The following CADPS2 variants were observed in gnomAD, a reference collection of about 807,000 sequenced individuals.
CADPS2 encodes the protein calcium-dependent secretion activator 2.
CADPS2 carries 93 observed loss-of-function variants against 172.5 expected under a neutral mutation model. The observed-to-expected ratio is 0.54, with a 90% confidence interval of 0.46 to 0.64. The LOEUF (loss-of-function observed/expected upper bound fraction) is 0.64. Ranked by LOEUF, CADPS2 falls within the 30% of genes least tolerant of loss-of-function variation. CADPS2 has a pLI of 0.00. For missense variants in CADPS2, 1,420 were observed against 1,565.9 expected (o/e 0.91, Z 1.57); for synonymous variants, 546 against 555.2 (o/e 0.98, Z 0.23).
At chr7:122,330,691 A>G (rs1436436990) in intron 28 of CADPS2, 1 of 152,204 alleles carries the variant, frequency 6.6e-6, no homozygotes, top group Non-Finnish European at 1.5e-5. Flanking sequence ...GTTTAACCCA[A>G]CCTATGCCAA....
chr7:122,407,699 A>G lies in CADPS2; in HGVS notation c.2590-3T>C, dbSNP rs373707445. ...AAATCAGGCCACCAGGCAAATGCCT[A>G]CAAAAGGATAAAAACATAAAGGAGA... On this transcript the variant is annotated splice_polypyrimidine_tract_variant and splice_region_variant and intron_variant, in intron 19 of 29. Transcript: ENST00000449022. The G allele has an allele frequency of 9.0e-5, 144 of 1,603,438 alleles. No homozygotes were observed. The highest frequency in any genetic ancestry group is 7.7e-5 in the Non-Finnish European group (90 of 1,174,950).
intron 8 of CADPS2, among the ~76,000 whole-genome samples, chr7:122,547,130 C>T (rs2063709058): frequency 1.3e-5 from 2 of 151,106 alleles, no homozygotes; most frequent in African/African-American, 4.9e-5. Context: ...ATCATTCTTA[C>T]AAATTAAAAC....
intron 14 of CADPS2, among the ~76,000 whole-genome samples, chr7:122,469,436 CAG>C (rs2152139347): frequency 6.6e-6 from 1 of 152,252 alleles, no homozygotes; most frequent in Non-Finnish European, 1.5e-5. Flanking sequence ...GGAATTGAGA[CAG>C]AGTCAGGAGA....
At chr7:122,589,740 AC>A (rs1038785370) in intron 6 of CADPS2, among the ~76,000 whole-genome samples, 1 of 151,902 alleles carries the variant, frequency 6.6e-6, no homozygotes, top group Non-Finnish European at 1.5e-5. Flanking sequence ...GGAGTGATTA[AC>A]ATAGAAACTG....
At chr7:122,638,219 C>A (rs989378034) in intron 3 of CADPS2, among the ~76,000 whole-genome samples, 1 of 152,132 alleles carries the variant, frequency 6.6e-6, no homozygotes, top group African/African-American at 2.4e-5. Flanking sequence ...CAAGACTATA[C>A]CCTTTCTGGA....
intron 8 of CADPS2, among the ~76,000 whole-genome samples, chr7:122,541,857 T>TTA (rs373127517): frequency 1.3e-5 from 1 of 79,036 alleles, no homozygotes; most frequent in Admixed American, 1.2e-4. Flanking sequence ...TCATATATAT[T>TTA]TATATATATG....
chr7:122,488,996 T>C (rs2058072057), intron 11 of CADPS2, among the ~76,000 whole-genome samples: 1 of 152,170 alleles, frequency 6.6e-6, no homozygotes. Context: ...CAGAATGTGC[T>C]CTTTTTATTT....
Position 122,368,744 on chromosome 7 carries a change from T to C in CADPS2, c.3388-7731A>G, listed in dbSNP as rs546209283. On this transcript the variant is annotated intron_variant, in intron 25 of 29. Coordinates refer to ENST00000449022, the MANE Select transcript of CADPS2 (RefSeq NM_017954.11). ...TCCCTAGTAGATGACCTCAGGACTC[T>C]TCCAAATCCAGCATTCCGTGCGCCA... is the stretch of plus-strand genomic sequence containing the variant. Among the ~76,000 whole-genome samples, 163 of 152,324 alleles carry C rather than the reference T, an allele frequency of 1.1e-3. 1 individual carries two copies. Among genetic ancestry groups the C allele is most frequent in the Non-Finnish European group, 2.0e-3 (138 of 68,036 alleles).
intron 1 of CADPS2, among the ~76,000 whole-genome samples, chr7:122,741,224 T>C (rs942088147): frequency 6.6e-6 from 1 of 152,132 alleles, no homozygotes; most frequent in African/African-American, 2.4e-5. Context: ...AAGCAAGTTA[T>C]AGAACAGCAG....
chr7:122,829,980 CTA>C (rs1313569699), intron 1 of CADPS2, among the ~76,000 whole-genome samples: 2 of 151,132 alleles, frequency 1.3e-5, no homozygotes, highest in East Asian at 3.9e-4. Flanking sequence ...ATGAGGTGTA[CTA>C]TATAACTATT....
At chr7:122,427,121 C>CATGT (rs1554516029) in intron 17 of CADPS2, 1 of 146,566 alleles carries the variant, frequency 6.8e-6, no homozygotes, top group African/African-American at 2.6e-5. Flanking sequence ...ACATAAATGC[C>CATGT]GTGTGTGTGT....
chr7:122,395,128 A>G (rs577556174), intron 20 of CADPS2, among the ~76,000 whole-genome samples: 4 of 152,312 alleles, frequency 2.6e-5, no homozygotes, highest in African/African-American at 9.6e-5. Context: ...AAAGCCTAAT[A>G]GTGTTTTAGC....
intron 2 of CADPS2, among the ~76,000 whole-genome samples, chr7:122,673,246 C>T (rs56122498): frequency 0.11 from 16,564 of 152,230 alleles, 1,234 homozygotes; most frequent in African/African-American, 0.21. Context: ...GGACCCCAGC[C>T]GGTTGCCGCA....
chr7:122,696,037 T>A (rs768116670), intron 2 of CADPS2, among the ~76,000 whole-genome samples: 4 of 152,166 alleles, frequency 2.6e-5, no homozygotes, highest in Non-Finnish European at 5.9e-5. Context: ...GATGCATTCA[T>A]TGTCATAGCT....
At chr7:122,884,648 G>A (rs927217417) in intron 1 of CADPS2, among the ~76,000 whole-genome samples, 2 of 152,168 alleles carry the variant, frequency 1.3e-5, no homozygotes, top group Non-Finnish European at 2.9e-5. Context: ...TGCTCAGTTT[G>A]TGTGTGTTTT....
In CADPS2 at chr7:122,432,210, T is replaced by C. The variant is rs2050027588; in HGVS notation, c.2476+6131A>G. 2.6e-5 allele frequency among the ~76,000 whole-genome samples: 4 copies of C among 152,284 alleles called. No homozygotes were observed. The South Asian group carries it at 8.3e-4, about 32-fold the overall frequency. On this transcript the variant is annotated intron_variant, in intron 17 of 29. Coordinates refer to ENST00000449022, the MANE Select transcript of CADPS2 (RefSeq NM_017954.11). ...CTGAGAGATGCAAGTATGAATCTCA[T>C]ATCTGCTCAGTTTTAATGGCAACAG...
At chr7:122,790,519 T>C (rs1795077236) in intron 1 of CADPS2, among the ~76,000 whole-genome samples, 1 of 152,086 alleles carries the variant, frequency 6.6e-6, no homozygotes, top group East Asian at 1.9e-4. Context: ...CCTGGCCAAT[T>C]TAATTGTTGC....
At chr7:122,387,223 AC>A in intron 23 of CADPS2, 50 bp from the exon 24 acceptor site, 1 of 1,524,692 alleles carries the variant, frequency 6.6e-7, no homozygotes, top group Non-Finnish European at 8.9e-7. Context: ...TATACAGCTC[AC>A]CTGTTTTGTA....
chr7:122,512,410 T>C (rs1448049838), intron 9 of CADPS2, among the ~76,000 whole-genome samples: 2 of 152,118 alleles, frequency 1.3e-5, no homozygotes, highest in Admixed American at 6.6e-5. Flanking sequence ...GGGAACAAAA[T>C]AGCTTGGATT....
Sources: gnomAD v4.1 joint callset for allele counts (sites outside exome capture counted in the v4.1 genomes callset) on GRCh38, gnomAD v4.1.1 for gene constraint, MANE v1.5 for transcripts, NCBI Gene and HGNC (gene_info 2026-07-23, HGNC 2026-07-21) for gene names.